Variants in GRM1 observed in about 807,000 individuals in gnomAD.
GRM1 encodes the protein glutamate metabotropic receptor 1, also known as metabotropic glutamate receptor 1.
GRM1 carries 33 observed loss-of-function variants against 90.9 expected under a neutral mutation model. That is an observed-to-expected ratio of 0.36 (90% CI 0.28 to 0.49). GRM1 has a LOEUF of 0.49. Ranked by LOEUF, GRM1 falls within the 20% of genes least tolerant of loss-of-function variation. GRM1 has a pLI of 0.99. For synonymous variants in GRM1, 700 were observed against 613.2 expected, an observed-to-expected ratio of 1.14 and a Z score of -2.09; for missense variants, 1,190 against 1,534.3, an observed-to-expected ratio of 0.78 and a Z score of 3.75.
intron 1 of GRM1, among the ~76,000 whole-genome samples, chr6:146,125,195 C>T (rs563825282): frequency 3.3e-5 from 5 of 152,036 alleles, no homozygotes; most frequent in East Asian, 1.9e-4. Flanking sequence ...ATGGAGTAGA[C>T]GAAAATATCT....
chr6:146,410,352 A>C (rs893398612), intron 7 of GRM1, among the ~76,000 whole-genome samples: 2 of 152,248 alleles, frequency 1.3e-5, no homozygotes, highest in African/African-American at 4.8e-5. Context: ...GCTTTGTCTT[A>C]TAAAGAAAAT....
intron 2 of GRM1, among the ~76,000 whole-genome samples, chr6:146,237,565 G>C (rs1408121855): frequency 1.4e-5 from 2 of 142,576 alleles, no homozygotes; most frequent in East Asian, 2.0e-4. Context: ...AAGAATATTT[G>C]TTAAATATTC....
intron 1 of GRM1, among the ~76,000 whole-genome samples, chr6:146,118,776 T>G (rs1357455623): frequency 2.0e-5 from 3 of 152,216 alleles, no homozygotes; most frequent in Non-Finnish European, 2.9e-5. Flanking sequence ...GAACTCATCC[T>G]TTTTTATGGC....
At chr6:146,115,037 G>C (rs1165984483) in intron 1 of GRM1, among the ~76,000 whole-genome samples, 1 of 152,046 alleles carries the variant, frequency 6.6e-6, no homozygotes, top group East Asian at 1.9e-4. Flanking sequence ...TTATAGTTCA[G>C]GTCAAAAATC....
At chr6:146,217,372 C>T (rs757437250) in intron 2 of GRM1, among the ~76,000 whole-genome samples, 19 of 152,182 alleles carry the variant, frequency 1.2e-4, no homozygotes, top group Admixed American at 2.0e-4. Flanking sequence ...ACTTCACTTG[C>T]GTTCTTCTCG....
At chr6:146,430,316 T>C (rs1414909855) in intron 7 of GRM1, among the ~76,000 whole-genome samples, 1 of 152,228 alleles carries the variant, frequency 6.6e-6, no homozygotes, top group South Asian at 2.1e-4. Context: ...ACACAGTAAC[T>C]ATACATTATC....
At chr6:146,155,465 C>T (rs1777490760) in intron 1 of GRM1, among the ~76,000 whole-genome samples, 1 of 152,168 alleles carries the variant, frequency 6.6e-6, no homozygotes, top group Non-Finnish European at 1.5e-5. Flanking sequence ...TGTACAATGA[C>T]AAAATCGCCT....
intron 5 of GRM1, among the ~76,000 whole-genome samples, chr6:146,372,255 G>A (rs1282790382): frequency 6.6e-6 from 1 of 152,076 alleles, no homozygotes; most frequent in Non-Finnish European, 1.5e-5. Context: ...CCATTTGTAT[G>A]TCTTCTTTTA....
chr6:146,094,747 T>C (rs1342916109), intron 1 of GRM1, among the ~76,000 whole-genome samples: 1 of 152,080 alleles, frequency 6.6e-6, no homozygotes, highest in African/African-American at 2.4e-5. Flanking sequence ...TCAATACTCA[T>C]TAGATATGTC....
intron 5 of GRM1, among the ~76,000 whole-genome samples, chr6:146,373,932 T>C (rs1775998174): frequency 6.6e-6 from 1 of 152,132 alleles, no homozygotes. Flanking sequence ...AGTATCCTTG[T>C]TGTGCTCCAC....
rs139374789 is a variant in GRM1, at chr6:146,084,421, A to T, written c.700+54204A>T. 4.0e-3 allele frequency among the ~76,000 whole-genome samples: 604 copies of T among 151,938 alleles called. 16 individuals carry two copies. In the East Asian group the frequency reaches 0.07, roughly 18 times the overall value. On this transcript the variant is annotated intron_variant, in intron 1 of 7. Coordinates refer to ENST00000282753, the MANE Select transcript of GRM1 (RefSeq NM_001278064.2). ...ACGCTGCTTTAGCTGTGTCCCAGAG[A>T]TTCTGGTATGTTGTGTCTTCGTTCT...
Position 146,159,562 on chromosome 6 carries a change from C to G in GRM1, c.915C>G (p.Arg305=). The G allele has an allele frequency of 6.2e-7, 1 of 1,613,786 alleles. No homozygotes were observed. Among genetic ancestry groups the G allele is most frequent in the Non-Finnish European group, 8.5e-7 (1 of 1,179,950 alleles). The change falls in exon 2 of 8, where the codon CGC becomes CGG. Residue 305 remains arginine, a synonymous_variant. Coordinates refer to ENST00000282753, the MANE Select transcript of GRM1 (RefSeq NM_001278064.2). ...GAGGACTCCTGAGCGCCATGCGGCG[C>G]CTTGGCGTCGTGGGCGAGTTCTCAC... is the stretch of plus-strand genomic sequence containing the variant. ...TVRGLLSAMR[R]LGVVGEFSLI...
chr6:146,353,778 C>T (rs888409828), intron 4 of GRM1, among the ~76,000 whole-genome samples: 3 of 152,274 alleles, frequency 2.0e-5, no homozygotes, highest in Admixed American at 1.3e-4. Context: ...TACAGGTGTG[C>T]ACCACCACAC....
chr6:146,243,608 A>T (rs1780943431), intron 2 of GRM1, among the ~76,000 whole-genome samples: 1 of 152,112 alleles, frequency 6.6e-6, no homozygotes, highest in East Asian at 1.9e-4. Flanking sequence ...ATGCTTCATA[A>T]GGTAATAAAA....
intron 1 of GRM1, among the ~76,000 whole-genome samples, chr6:146,071,462 A>G (rs1349299014): frequency 2.0e-5 from 3 of 152,188 alleles, no homozygotes; most frequent in Non-Finnish European, 1.5e-5. Context: ...TAATATAGTT[A>G]TATATCTTCA....
chr6:146,028,057 C>T (rs952356031), upstream of GRM1, among the ~76,000 whole-genome samples: 1 of 152,114 alleles, frequency 6.6e-6, no homozygotes, highest in Non-Finnish European at 1.5e-5. Context: ...CGTCGACTCT[C>T]ACCTTGAGAA....
At chr6:146,288,718 G>T (rs1782860166) in intron 2 of GRM1, among the ~76,000 whole-genome samples, 2 of 151,964 alleles carry the variant, frequency 1.3e-5, no homozygotes. Context: ...ATCGGCCAGG[G>T]TGGTCTCCAA....
intron 2 of GRM1, among the ~76,000 whole-genome samples, chr6:146,231,256 A>T (rs2114704055): frequency 6.6e-6 from 1 of 152,260 alleles, no homozygotes; most frequent in South Asian, 2.1e-4. Flanking sequence ...GCACACGTGG[A>T]GGCAAGGCTA....
At chr6:146,255,577 T>C (rs377280733) in intron 2 of GRM1, among the ~76,000 whole-genome samples, 2 of 152,162 alleles carry the variant, frequency 1.3e-5, no homozygotes, top group African/African-American at 2.4e-5. Flanking sequence ...AGGTGTATCA[T>C]TTCTCCTGTG....
Sources: gnomAD v4.1 joint callset for allele counts (sites outside exome capture counted in the v4.1 genomes callset) on GRCh38, gnomAD v4.1.1 for gene constraint, MANE v1.5 for transcripts, NCBI Gene and HGNC (gene_info 2026-07-23, HGNC 2026-07-21) for gene names.